The following KCNH5 variants were observed in gnomAD, a reference collection of about 807,000 sequenced individuals.
KCNH5 encodes potassium voltage-gated channel subfamily H member 5.
KCNH5 carries 46 observed loss-of-function variants against 96.1 expected under a neutral mutation model. The ratio of observed to expected loss-of-function variants is 0.48; its 90% CI spans 0.38 to 0.61. The LOEUF (loss-of-function observed/expected upper bound fraction) is 0.61, where lower values mean the gene tolerates loss of function less well. Ranked by LOEUF, KCNH5 falls within the 20% of genes least tolerant of loss-of-function variation. The pLI, the probability that KCNH5 is intolerant of heterozygous loss-of-function variation, is 0.00. For missense variants in KCNH5, 907 were observed against 1,225.8 expected, an observed-to-expected ratio of 0.74 and a Z score of 3.88; for synonymous variants, 439 against 449.8, an observed-to-expected ratio of 0.98 and a Z score of 0.30.
At chr14:62,926,872 T>C (rs1889486539) in intron 7 of KCNH5, among the ~76,000 whole-genome samples, 2 of 152,128 alleles carry the variant, frequency 1.3e-5, no homozygotes, top group South Asian at 4.1e-4. Flanking sequence ...TCTTTGGTTA[T>C]GGGTCAGTGT....
intron 7 of KCNH5, among the ~76,000 whole-genome samples, chr14:62,886,396 G>A (rs147873145): frequency 1.3e-5 from 2 of 152,224 alleles, no homozygotes; most frequent in South Asian, 4.2e-4. Flanking sequence ...ATCCTGCAGG[G>A]TTCATGTTTT....
chr14:62,799,629 G>A (rs1886609777), intron 9 of KCNH5, among the ~76,000 whole-genome samples: 1 of 135,456 alleles, frequency 7.4e-6, no homozygotes. Context: ...TATAAAGACT[G>A]AGTCAACTTA....
chr14:62,711,515 G>A (rs1490084669), intron 10 of KCNH5, among the ~76,000 whole-genome samples: 1 of 152,180 alleles, frequency 6.6e-6, no homozygotes, highest in Non-Finnish European at 1.5e-5. Flanking sequence ...GAGATAGGAA[G>A]TTAAGTAATT....
intron 7 of KCNH5, among the ~76,000 whole-genome samples, chr14:62,928,170 A>G (rs1889510942): frequency 6.6e-6 from 1 of 152,136 alleles, no homozygotes; most frequent in Non-Finnish European, 1.5e-5. Context: ...TTTAGAATGG[A>G]TAAGCATCCA....
chr14:62,801,499 ATTT>A (rs35409070), intron 9 of KCNH5, among the ~76,000 whole-genome samples: 30 of 108,856 alleles, frequency 2.8e-4, no homozygotes, highest in African/African-American at 9.3e-4. Context: ...TCATTTGGCA[ATTT>A]TTTTTTTTTT....
chr14:62,835,134 A>G (rs1595646321), intron 8 of KCNH5, among the ~76,000 whole-genome samples: 1 of 152,028 alleles, frequency 6.6e-6, no homozygotes, highest in East Asian at 1.9e-4. Context: ...CAGCTTCCAA[A>G]AGACTCGAAA....
In KCNH5 at chr14:62,703,608, G is replaced by T. The variant is rs1884380482; in HGVS notation, c.*3900C>A. ...AGCTAAATTCAGAACACAAGACAAAGCTCAGATACTAAGACTTAAGGTGTT... is the reference window on the plus strand; with the variant it reads ...AGCTAAATTCAGAACACAAGACAAATCTCAGATACTAAGACTTAAGGTGTT... On this transcript the variant is annotated 3_prime_UTR_variant, in exon 11 of 11. Coordinates refer to ENST00000322893, the MANE Select transcript of KCNH5 (RefSeq NM_139318.5). The T allele has an allele frequency of 6.6e-6, 1 of 151,760 alleles. No individual in the cohort carries two copies. The highest frequency in any genetic ancestry group is 1.5e-5 in the Non-Finnish European group (1 of 67,758). The allele number at this position is 151,760 out of a possible 1,614,324, so 9.4% of individuals were successfully genotyped here.
intron 3 of KCNH5, among the ~76,000 whole-genome samples, chr14:63,002,585 C>T (rs1299085434): frequency 6.6e-6 from 1 of 152,124 alleles, no homozygotes; most frequent in Non-Finnish European, 1.5e-5. Flanking sequence ...TAGCCTTTTA[C>T]TAGCTTCCAT....
At chr14:63,012,963 G>A (rs1392032079) in intron 2 of KCNH5, among the ~76,000 whole-genome samples, 5 of 149,590 alleles carry the variant, frequency 3.3e-5, no homozygotes, top group Non-Finnish European at 5.9e-5. Context: ...AGAGGAACAA[G>A]GGGGATGGGA....
chr14:62,970,652 G>A (rs1341223220), intron 6 of KCNH5, among the ~76,000 whole-genome samples: 1 of 152,122 alleles, frequency 6.6e-6, no homozygotes, highest in Non-Finnish European at 1.5e-5. Context: ...AGTATACACT[G>A]TGACCAACTG....
rs117115000 is a variant in KCNH5 at position 62,981,378 on chromosome 14, C to T, written c.550-114G>A. 4,223 of 994,660 alleles carry T rather than the reference C, an allele frequency of 4.2e-3. 16 individuals are homozygous for T. Among genetic ancestry groups the T allele is most frequent in the Middle Eastern group, 7.3e-3 (23 of 3,170 alleles). The allele number at this position is 994,660 out of a possible 1,614,324, so 61.6% of individuals were successfully genotyped here. A position where few individuals can be genotyped will look rare whatever the true frequency, so the allele number is the denominator to read the frequency against. On this transcript the variant is annotated intron_variant, in intron 5 of 10. Coordinates refer to ENST00000322893, the MANE Select transcript of KCNH5 (RefSeq NM_139318.5). Reference sequence around the variant, plus strand: ...CCAGTCATGCTCCACAGTCTTGCCTCCCTCTTCTCCTGAGTTGTCCTAAAA... The same window carrying T: ...CCAGTCATGCTCCACAGTCTTGCCTTCCTCTTCTCCTGAGTTGTCCTAAAA...
rs1595587388 is a variant in KCNH5 at position 62,707,890 on chromosome 14, T to C, written c.2585A>G (p.Asp862Gly). Residue 862 changes from aspartate to glycine, a missense_variant, in exon 11 of 11, where the codon GAT becomes GGT. Physicochemically the swap from Asp to Gly is moderately conservative, Grantham distance 94 (BLOSUM62 -1). Around this residue, in one of 6 missense-constraint regions of KCNH5, gnomAD observed 362 missense variants for 394.4 expected, o/e 0.92. Coordinates refer to ENST00000322893, the MANE Select transcript of KCNH5 (RefSeq NM_139318.5). ...TTTTGTAATTCCACTGTCACAAGAA[T>C]CTGTTTTTCTTAGTGGGTTTTTGGT... ...SVTKNPLRKT[D>G]SCDSGITKSD... 3.1e-6 allele frequency: 5 copies of C among 1,614,162 alleles called. No individual in the cohort carries two copies. The highest frequency in any genetic ancestry group is 4.2e-6 in the Non-Finnish European group (5 of 1,180,014).
chr14:62,842,657 A>G (rs1012368073), intron 8 of KCNH5, among the ~76,000 whole-genome samples: 1 of 152,206 alleles, frequency 6.6e-6, no homozygotes, highest in Non-Finnish European at 1.5e-5. Flanking sequence ...GACCACAGGG[A>G]AAACTACTAC....
At chr14:62,911,109 G>A (rs1228086211) in intron 7 of KCNH5, among the ~76,000 whole-genome samples, 1 of 151,998 alleles carries the variant, frequency 6.6e-6, no homozygotes, top group Non-Finnish European at 1.5e-5. Context: ...ACCTAGAACA[G>A]TACTCTAAAA....
At chr14:63,006,022 C>A (rs752685738) in intron 3 of KCNH5, among the ~76,000 whole-genome samples, 20 of 152,158 alleles carry the variant, frequency 1.3e-4, no homozygotes, top group Non-Finnish European at 2.2e-4. Context: ...TTACCGTTTT[C>A]TTTAACCATA....
At chr14:62,808,013 C>T (rs1844508) in intron 8 of KCNH5, among the ~76,000 whole-genome samples, 15,815 of 152,138 alleles carry the variant, frequency 0.1, 974 homozygotes, top group East Asian at 0.26. Context: ...TTCTTATCTG[C>T]ACTTCTGCCT....
intron 10 of KCNH5, among the ~76,000 whole-genome samples, chr14:62,724,499 C>A (rs777418201): frequency 1.1e-4 from 17 of 152,214 alleles, no homozygotes; most frequent in Non-Finnish European, 2.4e-4. Context: ...AGATAACATA[C>A]TTGCCCCATT....
At chr14:62,915,157 A>T (rs1377830024) in intron 7 of KCNH5, among the ~76,000 whole-genome samples, 1 of 152,234 alleles carries the variant, frequency 6.6e-6, no homozygotes, top group East Asian at 1.9e-4. Context: ...GGCCAAACTC[A>T]TGTGAGATTC....
At chr14:63,021,793 C>A (rs1453131662) in intron 1 of KCNH5, among the ~76,000 whole-genome samples, 1 of 152,052 alleles carries the variant, frequency 6.6e-6, no homozygotes, top group Non-Finnish European at 1.5e-5. Context: ...GTAACCACTC[C>A]CCTCTTAAAA....
Sources: gnomAD v4.1 joint callset for allele counts (sites outside exome capture counted in the v4.1 genomes callset) on GRCh38, gnomAD v4.1.1 for gene constraint, gnomAD v4.1.1 regional missense constraint, MANE v1.5 for transcripts, NCBI Gene and HGNC (gene_info 2026-07-23, HGNC 2026-07-21) for gene names.